The following RCC2 variants were observed in gnomAD, a reference collection of about 807,000 sequenced individuals.
RCC2 encodes the protein protein RCC2.
Under a neutral mutation model 64.1 loss-of-function variants are expected in RCC2, and 19 were observed. The ratio of observed to expected loss-of-function variants is 0.30; its 90% confidence interval spans 0.21 to 0.44. The LOEUF (loss-of-function observed/expected upper bound fraction) is 0.44, where lower values mean the gene tolerates loss of function less well. RCC2 is among the 20% of genes least tolerant of loss of function. The pLI is 1.00. For missense variants in RCC2, 508 were observed against 710.4 expected, an observed-to-expected ratio of 0.72 and a Z score of 3.24; for synonymous variants, 325 against 279.6, an observed-to-expected ratio of 1.16 and a Z score of -1.62.
rs1182882445 is a variant in RCC2 at position 17,438,302 on chromosome 1, C to T, written c.213G>A (p.Arg71=). The T allele has an allele frequency of 8.0e-7, 1 of 1,248,116 alleles. No homozygotes were observed. Among genetic ancestry groups the T allele is most frequent in the Admixed American group, 4.0e-5 (1 of 25,148 alleles). The allele number at this position is 1,248,116 out of a possible 1,614,324, so 77.3% of individuals were successfully genotyped here. A position where few individuals can be genotyped will look rare whatever the true frequency, so the allele number is the denominator to read the frequency against. Residue 71 remains arginine, a synonymous_variant, in exon 2 of 13, where the codon CGG becomes CGA. Coordinates refer to ENST00000375436, the MANE Select transcript of RCC2 (RefSeq NM_018715.4). ...CGCCCGCCTTGCCTGCTGTCGCCGG[C>T]CGCGCCGCGCGCTTGCCCCCGCCGG... ...GAPGGGKRAA[R]PATAGKAGGA...
chr1:17,418,742 T>C (rs967054308), intron 7 of RCC2, among the ~76,000 whole-genome samples: 1 of 152,146 alleles, frequency 6.6e-6, no homozygotes, highest in African/African-American at 2.4e-5. Flanking sequence ...TCACAGTAAA[T>C]AGAATGCATT....
chr1:17,427,262 C>G (rs1389001852), intron 3 of RCC2, among the ~76,000 whole-genome samples: 1 of 152,180 alleles, frequency 6.6e-6, no homozygotes, highest in African/African-American at 2.4e-5. Context: ...CCGCCCTCAG[C>G]AGAGGGCACC....
chr1:17,410,722 C>T (rs1451204527), intron 11 of RCC2, among the ~76,000 whole-genome samples: 2 of 152,122 alleles, frequency 1.3e-5, no homozygotes, highest in Admixed American at 1.3e-4. Context: ...CCCACATGTC[C>T]CTGGTTTCAT....
chr1:17,435,775 A>T (rs1465973343), intron 2 of RCC2, among the ~76,000 whole-genome samples: 2 of 152,068 alleles, frequency 1.3e-5, no homozygotes, highest in Non-Finnish European at 2.9e-5. Flanking sequence ...AAAATTAGCC[A>T]GGTGTGGTGG....
rs199673232 is a variant in RCC2, at chr1:17,416,452, T to C, written c.1026+28A>G. The C allele has an allele frequency of 1.6e-5, 26 of 1,592,900 alleles. No individual in the cohort carries two copies. In the East Asian group the frequency reaches 5.6e-4, roughly 34 times the overall value. ...CACCCCTTCCATCCTGGTGCGACTC[T>C]CAGGAAGTGAGAAAAGCCGAGCCTC... On this transcript the variant is annotated intron_variant, in intron 8 of 12. Coordinates refer to ENST00000375436, the MANE Select transcript of RCC2 (RefSeq NM_018715.4).
At chr1:17,413,802 G>A in intron 8 of RCC2, 85 bp from the exon 9 acceptor site, 2 of 1,236,100 alleles carry the variant, frequency 1.6e-6, no homozygotes, top group South Asian at 2.8e-5. Context: ...CAGACAACCT[G>A]GTGCAAATGC....
chr1:17,410,652 G>A (rs1321762953), intron 11 of RCC2, among the ~76,000 whole-genome samples: 1 of 152,100 alleles, frequency 6.6e-6, no homozygotes, highest in Non-Finnish European at 1.5e-5. Context: ...CCTGGCTCAG[G>A]TGAAACAGAG....
At chr1:17,438,061 T>G (rs2075758982) in intron 2 of RCC2, among the ~76,000 whole-genome samples, 169 bp downstream of exon 2, 2 of 144,760 alleles carry the variant, frequency 1.4e-5, no homozygotes, top group South Asian at 4.4e-4. Flanking sequence ...CCGAGCCCTT[T>G]TGTTGCGCGG....
rs147502663 is a variant in RCC2 at position 17,416,492 on chromosome 1, G to A, written c.1014C>T (p.Gly338=). The change falls in exon 8 of 13, where the codon GGC becomes GGT. Residue 338 remains glycine (G), a synonymous_variant. Transcript: ENST00000375436. Reference sequence around the variant, plus strand: ...AGCCGAGCCTCACCGTGTGGTTAGCGCCACAGGCCACGTCTCGTACAACCA... The same window carrying A: ...AGCCGAGCCTCACCGTGTGGTTAGCACCACAGGCCACGTCTCGTACAACCA... ...PNVVVRDVAC[G]ANHTLVLDSQ... The A allele has an allele frequency of 6.2e-6, 10 of 1,610,662 alleles. No individual in the cohort carries two copies. Among genetic ancestry groups the A allele is most frequent in the South Asian group, 2.2e-5 (2 of 90,876 alleles).
At position 17,435,773 on chromosome 1, in the gene RCC2, CCAGG is replaced by C. The variant is rs1462128078; in HGVS notation, c.285+2453_285+2456del. On this transcript the variant is annotated intron_variant, in intron 2 of 12. Transcript: ENST00000375436. ...CTCTACTAAAAATACAAAAAATTAGCCAGGTGTGGTGGTGGGCGTCTATAATCCC... is the reference window on the plus strand; with the variant it reads ...CTCTACTAAAAATACAAAAAATTAGCTGTGGTGGTGGGCGTCTATAATCCC... Among the ~76,000 whole-genome samples the C allele has an allele frequency of 3.3e-5, 5 of 152,226 alleles. No individual in the cohort carries two copies. In the East Asian group the frequency reaches 9.6e-4, roughly 29 times the overall value.
At chr1:17,433,323 C>CA (rs1260293038) in intron 2 of RCC2, among the ~76,000 whole-genome samples, 4 of 152,254 alleles carry the variant, frequency 2.6e-5, no homozygotes, top group African/African-American at 9.6e-5. Context: ...AGAGAACTCC[C>CA]AGCACCCCTT....
chr1:17,437,515 C>A (rs1332022666), intron 2 of RCC2, among the ~76,000 whole-genome samples: 1 of 152,132 alleles, frequency 6.6e-6, no homozygotes, highest in Non-Finnish European at 1.5e-5. Context: ...TTTGAGAAAA[C>A]AGAAGCCCGC....
chr1:17,408,976 G>C lies in RCC2; in HGVS notation c.*114C>G, dbSNP rs1258197906. ...AACCTCAGGGAGTCTAAACAAAAAT[G>C]CACCTTCGGTCAACTTTTGCTTTTT... is the stretch of plus-strand genomic sequence containing the variant. On this transcript the variant is annotated 3_prime_UTR_variant, in exon 13 of 13. Coordinates refer to ENST00000375436, the MANE Select transcript of RCC2 (RefSeq NM_018715.4). The C allele has an allele frequency of 6.2e-6, 5 of 810,064 alleles. No individual in the cohort carries two copies. Among genetic ancestry groups the C allele is most frequent in the African/African-American group, 1.7e-5 (1 of 59,102 alleles). 50.2% of individuals were successfully genotyped at this position (810,064 alleles called of 1,614,324 possible).
intron 7 of RCC2, among the ~76,000 whole-genome samples, chr1:17,416,861 G>GT (rs2075491628): frequency 6.6e-6 from 1 of 152,208 alleles, no homozygotes; most frequent in South Asian, 2.1e-4. Context: ...GCTAAGACCA[G>GT]TTATTTTTTA....
intron 7 of RCC2, among the ~76,000 whole-genome samples, chr1:17,417,520 C>CAA (rs2075501086): frequency 6.6e-6 from 1 of 152,044 alleles, no homozygotes; most frequent in South Asian, 2.1e-4. Context: ...AAAACAAAAA[C>CAA]AAACAAACAA....
intron 1 of RCC2, among the ~76,000 whole-genome samples, chr1:17,438,962 C>A (rs1189547951): frequency 6.6e-6 from 1 of 152,076 alleles, no homozygotes; most frequent in African/African-American, 2.4e-5. Context: ...CCCCGGCTAC[C>A]CCACCTGCTG....
In RCC2 at chr1:17,412,192, T is replaced by C; in HGVS notation, c.1316A>G (p.Lys439Arg). The change falls in exon 11 of 13, where the codon AAG becomes AGG. Residue 439 changes from lysine to arginine, a missense_variant and splice_region_variant. Transcript: ENST00000375436. ...GWRIRSLACG[K>R]SSIIVAADES... ...ATCGGCGGCCACAATGATGCTGCTC[T>C]TCCTGCAAACAGGCAGGCTGTCACT... is the stretch of plus-strand genomic sequence containing the variant. 4 of 1,614,054 alleles carry C rather than the reference T, an allele frequency of 2.5e-6. No individual in the cohort carries two copies. The highest frequency in any genetic ancestry group is 3.4e-6 in the Non-Finnish European group (4 of 1,179,970).
intron 8 of RCC2, among the ~76,000 whole-genome samples, chr1:17,415,175 A>G (rs1163663356): frequency 1.3e-5 from 2 of 152,230 alleles, no homozygotes; most frequent in Non-Finnish European, 1.5e-5. Flanking sequence ...CATCAGACAA[A>G]ACAAATCAGT....
At chr1:17,432,740 G>T (rs1431057500) in intron 2 of RCC2, among the ~76,000 whole-genome samples, 2 of 152,222 alleles carry the variant, frequency 1.3e-5, no homozygotes, top group African/African-American at 4.8e-5. Context: ...AAGGGCTCAT[G>T]AAGACTGATC....
Sources: allele counts gnomAD v4.1 joint callset (sites outside exome capture counted in the v4.1 genomes callset), GRCh38; gene constraint gnomAD v4.1.1; transcripts MANE v1.5; gene names NCBI Gene and HGNC (gene_info 2026-07-23, HGNC 2026-07-21).